Variants in PABPN1 observed in about 807,000 individuals in gnomAD.
PABPN1 encodes poly(A) binding protein nuclear 1.
PABPN1 carries 5 observed loss-of-function variants against 33.4 expected under a neutral mutation model. The ratio of observed to expected loss-of-function variants is 0.15; its 90% confidence interval spans 0.08 to 0.32. The LOEUF (loss-of-function observed/expected upper bound fraction) is 0.32, where lower values mean the gene tolerates loss of function less well. Ranked by LOEUF, PABPN1 falls within the 10% of genes least tolerant of loss-of-function variation. PABPN1 has a pLI of 1.00. For missense variants in PABPN1, 312 were observed against 425.8 expected (o/e 0.73, Z 2.35); for synonymous variants, 176 against 170.6 (o/e 1.03, Z -0.25).
chr14:23,323,727 C>A (rs539963187), intron 4 of PABPN1, among the ~76,000 whole-genome samples: 1 of 152,078 alleles, frequency 6.6e-6, no homozygotes, highest in Non-Finnish European at 1.5e-5. Flanking sequence ...TTCTACTTGG[C>A]CTATTATGGC....
Position 23,325,889 on chromosome 14 carries a change from C to G in PABPN1, c.*603C>G, listed in dbSNP as rs1267652620. ...TTCTGTAGCCGGAAGATCTCCGTTCCGCTCCCAGCGGCTCCAGTGTAAATT... is the reference window on the plus strand; with the variant it reads ...TTCTGTAGCCGGAAGATCTCCGTTCGGCTCCCAGCGGCTCCAGTGTAAATT... On this transcript the variant is annotated 3_prime_UTR_variant, in exon 7 of 7. Coordinates refer to ENST00000216727, the MANE Select transcript of PABPN1 (RefSeq NM_004643.4). 6.5e-6 allele frequency: 1 copy of G among 153,300 alleles called. No individual in the cohort carries two copies. Among genetic ancestry groups the G allele is most frequent in the Non-Finnish European group, 1.5e-5 (1 of 68,620 alleles). 9.5% of individuals were successfully genotyped at this position (153,300 alleles called of 1,614,324 possible). A position where few individuals can be genotyped will look rare whatever the true frequency, so the allele number is the denominator to read the frequency against.
At chr14:23,321,911 G>T (rs1011835355) in intron 1 of PABPN1, 91 bp downstream of exon 1, 74 of 867,768 alleles carry the variant, frequency 8.5e-5, no homozygotes, top group Non-Finnish European at 1.2e-4. Flanking sequence ...GCAGGCGGGG[G>T]GTGGGGTTGG....
chr14:23,322,316 C>T, intron 2 of PABPN1, 21 bp downstream of exon 2: 1 of 1,576,684 alleles, frequency 6.3e-7, no homozygotes, highest in Non-Finnish European at 8.6e-7. Context: ...GGCGGTTGCA[C>T]GCGGAGCCCG....
chr14:23,325,088 C>T (rs538761351), intron 6 of PABPN1, 159 bp from the exon 7 acceptor site: 62 of 935,826 alleles, frequency 6.6e-5, no homozygotes, highest in Admixed American at 4.9e-4. Context: ...TCTCCAGGTG[C>T]GTTACTATTT....
Position 23,325,347 on chromosome 14 carries a change from AT to A in PABPN1, c.*63del. 2.7e-6 allele frequency: 4 copies of A among 1,506,032 alleles called. No individual in the cohort carries two copies. The highest frequency in any genetic ancestry group is 3.6e-6 in the Non-Finnish European group (4 of 1,120,590). 93.3% of individuals were successfully genotyped at this position (1,506,032 alleles called of 1,614,324 possible). On this transcript the variant is annotated 3_prime_UTR_variant, in exon 7 of 7. Coordinates refer to ENST00000216727, the MANE Select transcript of PABPN1 (RefSeq NM_004643.4). ...AGAGGAAAGAAGGAAAAAAAAAAGA[AT>A]TAAAAAAAAAAAAAAGAAAAACAGA...
rs755974255 is a variant in PABPN1, at chr14:23,323,971, G to C, written c.648G>C (p.Ala216=). 2 of 1,614,060 alleles carry C rather than the reference G, an allele frequency of 1.2e-6. No individual in the cohort carries two copies. The highest frequency in any genetic ancestry group is 1.7e-6 in the Non-Finnish European group (2 of 1,180,016). Residue 216 remains alanine (A), a synonymous_variant, in exon 5 of 7, where the codon GCG becomes GCC. Transcript: ENST00000216727. ...CAATGACAATTCTTTTCAGGTTTGCGTATATAGAGTTCTCAGACAAAGAGT... is the reference window on the plus strand; with the variant it reads ...CAATGACAATTCTTTTCAGGTTTGCCTATATAGAGTTCTCAGACAAAGAGT... ...DKFSGHPKGF[A]YIEFSDKESV...
At chr14:23,323,839 T>G in intron 4 of PABPN1, 126 bp from the exon 5 acceptor site, 1 of 988,210 alleles carries the variant, frequency 1.0e-6, no homozygotes, top group Non-Finnish European at 1.5e-6. Flanking sequence ...AATTTTCCAT[T>G]TAGAAGAATT....
At chr14:23,321,863 C>A in intron 1 of PABPN1, 43 bp downstream of exon 1, 1 of 1,367,454 alleles carries the variant, frequency 7.3e-7, no homozygotes, top group South Asian at 1.5e-5. Flanking sequence ...GGCTGGCCGG[C>A]CGGGTCACTG....
At chr14:23,324,997 C>A in intron 6 of PABPN1, 1 of 477,356 alleles carries the variant, frequency 2.1e-6, no homozygotes, top group Non-Finnish European at 3.7e-6. Context: ...CTTTTCCTTG[C>A]CCCTGTCTCT....
intron 6 of PABPN1, chr14:23,324,678 A>G: frequency 2.9e-6 from 1 of 345,776 alleles, no homozygotes; most frequent in Non-Finnish European, 5.4e-6. Context: ...TGAAGACTGA[A>G]CCTCCCTTGG....
rs748187311 is a variant in PABPN1, at chr14:23,322,310, G to A, written c.466+15G>A. 6 of 1,584,580 alleles carry A rather than the reference G, an allele frequency of 3.8e-6. No individual in the cohort carries two copies. The highest frequency in any genetic ancestry group is 2.3e-5 in the East Asian group (1 of 43,770). On this transcript the variant is annotated intron_variant, in intron 2 of 6. Coordinates refer to ENST00000216727, the MANE Select transcript of PABPN1 (RefSeq NM_004643.4). ...TCCAGGCAATGGTGAGTAACTGGCGGTTGCACGCGGAGCCCGGGTTCTCGG... is the reference window on the plus strand; with the variant it reads ...TCCAGGCAATGGTGAGTAACTGGCGATTGCACGCGGAGCCCGGGTTCTCGG...
At chr14:23,324,652 G>A (rs1056186870) in intron 6 of PABPN1, 7 of 419,674 alleles carry the variant, frequency 1.7e-5, no homozygotes, top group East Asian at 4.9e-5. Context: ...TACTTTTTTC[G>A]GAGTTAGGGA....
chr14:23,321,927 G>GCCC, intron 1 of PABPN1, 107 bp downstream of exon 1: 1 of 458,120 alleles, frequency 2.2e-6, no homozygotes, highest in African/African-American at 2.1e-5. Context: ...GTTGGGCGGG[G>GCCC]AATAACGTGG....
chr14:23,324,254 T>G lies in PABPN1; in HGVS notation c.846T>G (p.Ser282Arg), dbSNP rs1217365026. Residue 282 changes from serine to arginine, a missense_variant, in exon 6 of 7, where the codon AGT becomes AGG. Around this residue, in one of 3 missense-constraint regions of PABPN1, gnomAD observed 68 missense variants for 71.1 expected, o/e 0.96. Coordinates refer to ENST00000216727, the MANE Select transcript of PABPN1 (RefSeq NM_004643.4). ...NYNSSRSRFY[S>R]GFNSRPRGRV... ...ACAGCTCCCGCTCTCGATTCTACAGTGGTTTTAACAGCAGGCCCCGGGGTC... is the reference window on the plus strand; with the variant it reads ...ACAGCTCCCGCTCTCGATTCTACAGGGGTTTTAACAGCAGGCCCCGGGGTC... 1.9e-6 allele frequency: 3 copies of G among 1,613,808 alleles called. No individual in the cohort carries two copies. The highest frequency in any genetic ancestry group is 2.5e-6 in the Non-Finnish European group (3 of 1,180,020).
Position 23,324,199 on chromosome 14 carries a change from C to T in PABPN1, c.791C>T (p.Ala264Val), listed in dbSNP as rs774324245. 5.6e-6 allele frequency: 9 copies of T among 1,614,092 alleles called. No individual in the cohort carries two copies. In the Admixed American group the frequency reaches 6.7e-5, roughly 12 times the overall value. ...ISTTDRGFPR[A>V]RYRARTTNYN... ...ACAACAGACCGGGGTTTTCCACGAG[C>T]CCGCTACCGCGCCCGGACCACCAAC... Residue 264 changes from alanine to valine, a missense_variant, in exon 6 of 7, where the codon GCC becomes GTC. By Grantham distance (64) the Ala-to-Val change is moderately conservative. Around this residue, in one of 3 missense-constraint regions of PABPN1, gnomAD observed 68 missense variants for 71.1 expected, o/e 0.96. Coordinates refer to ENST00000216727, the MANE Select transcript of PABPN1 (RefSeq NM_004643.4).
intron 2 of PABPN1, 141 bp downstream of exon 2, chr14:23,322,436 G>A (rs541289342): frequency 3.6e-5 from 28 of 768,996 alleles, no homozygotes; most frequent in East Asian, 1.1e-4. Context: ...GTCATAGTCC[G>A]TTGTGTGTTC....
In PABPN1 at chr14:23,322,168, C is replaced by G. The variant is rs759304325; in HGVS notation, c.352-13C>G. 1 of 1,596,682 alleles carries G rather than the reference C, an allele frequency of 6.3e-7. No individual in the cohort carries two copies. On this transcript the variant is annotated splice_polypyrimidine_tract_variant and intron_variant, in intron 1 of 6. Coordinates refer to ENST00000216727, the MANE Select transcript of PABPN1 (RefSeq NM_004643.4). ...TCTTAAGCTGTCCTCCATACCCTCC[C>G]CACTTATATTAGGAGCTGGAAGCTA...
At chr14:23,323,593 T>TTAA in intron 4 of PABPN1, 110 bp downstream of exon 4, 6 of 1,010,442 alleles carry the variant, frequency 5.9e-6, no homozygotes, top group African/African-American at 1.6e-5. Flanking sequence ...GTGATCTGTG[T>TTAA]CATTTAAGAT....
In PABPN1 at chr14:23,322,200, C is replaced by T. The variant is rs1888358384; in HGVS notation, c.371C>T (p.Ala124Val). 1 of 1,609,434 alleles carries T rather than the reference C, an allele frequency of 6.2e-7. No homozygotes were observed. Among genetic ancestry groups the T allele is most frequent in the African/African-American group, 1.3e-5 (1 of 74,852 alleles). The change falls in exon 2 of 7, where the codon GCT becomes GTT. Residue 124 changes from alanine (A) to valine (V), a missense_variant. By Grantham distance (64) the Ala-to-Val change is moderately conservative. Transcript: ENST00000216727. ...IEDPELEAIK[A>V]RVREMEEEAE... ...TATTAGGAGCTGGAAGCTATCAAAG[C>T]TCGAGTCAGGGAGATGGAGGAAGAA...
Sources: allele counts gnomAD v4.1 joint callset (sites outside exome capture counted in the v4.1 genomes callset), GRCh38; gene constraint gnomAD v4.1.1; regional missense constraint gnomAD v4.1.1; transcripts MANE v1.5; gene names NCBI Gene and HGNC (gene_info 2026-07-23, HGNC 2026-07-21).